The following PLPP3 variants were observed in gnomAD, a reference collection of about 807,000 sequenced individuals.
The protein encoded by PLPP3 is PAP2 beta.
A neutral mutation model predicts 29.6 loss-of-function variants in PLPP3; 6 were observed. That is an observed-to-expected ratio of 0.20 (90% CI 0.11 to 0.40). The LOEUF (loss-of-function observed/expected upper bound fraction) is 0.40, where lower values mean the gene tolerates loss of function less well. Among genes scored for constraint, PLPP3 ranks in the 10% least tolerant of loss-of-function variants. The pLI, the probability that PLPP3 is intolerant of heterozygous loss-of-function variation, is 1.00. For synonymous variants in PLPP3, 152 were observed against 159.7 expected (o/e 0.95, Z 0.36); for missense variants, 308 against 407.7 (o/e 0.76, Z 2.11).
intron 4 of PLPP3, among the ~76,000 whole-genome samples, chr1:56,514,316 G>A (rs1484605928): frequency 6.6e-6 from 1 of 151,556 alleles, no homozygotes; most frequent in Admixed American, 6.6e-5. Context: ...GCAGGAGTGG[G>A]GGATATATAT....
chr1:56,544,181 T>A (rs556804479), intron 1 of PLPP3, among the ~76,000 whole-genome samples: 1 of 152,342 alleles, frequency 6.6e-6, no homozygotes, highest in South Asian at 2.1e-4. Context: ...ATTTTTAAAA[T>A]AATTAACATC....
At chr1:56,533,050 T>C (rs866998879) in intron 2 of PLPP3, among the ~76,000 whole-genome samples, 6 of 149,236 alleles carry the variant, frequency 4.0e-5, no homozygotes, top group Non-Finnish European at 7.5e-5. Flanking sequence ...ACCTATTATG[T>C]AGCTTTTTTT....
intron 1 of PLPP3, among the ~76,000 whole-genome samples, chr1:56,564,641 G>C (rs769903143): frequency 1.3e-5 from 2 of 152,162 alleles, no homozygotes; most frequent in Non-Finnish European, 2.9e-5. Flanking sequence ...AATCAAGACA[G>C]CTTATTATTC....
intron 1 of PLPP3, among the ~76,000 whole-genome samples, chr1:56,555,620 C>A (rs912704610): frequency 1.1e-4 from 16 of 151,940 alleles, no homozygotes; most frequent in African/African-American, 3.1e-4. Flanking sequence ...GTCACTGTGT[C>A]CCTGAATGGA....
chr1:56,498,162 A>G lies in PLPP3; in HGVS notation c.811-1486T>C, dbSNP rs534086442. Among the ~76,000 whole-genome samples the G allele has an allele frequency of 1.8e-3, 270 of 152,288 alleles. 2 individuals are homozygous for G. Among genetic ancestry groups the G allele is most frequent in the African/African-American group, 6.2e-3 (258 of 41,558 alleles). On this transcript the variant is annotated intron_variant, in intron 5 of 5. Coordinates refer to ENST00000371250, the MANE Select transcript of PLPP3 (RefSeq NM_003713.5). ...AGTGCTATTGATGTACCACTTTGCA[A>G]AGGAAAAAGTTAAGTCTTTTCTCCC...
chr1:56,532,132 G>C (rs1645893392), intron 2 of PLPP3, among the ~76,000 whole-genome samples: 2 of 152,276 alleles, frequency 1.3e-5, no homozygotes, highest in Middle Eastern at 3.4e-3. Flanking sequence ...AAAGGGAACA[G>C]ATGAAAATTT....
chr1:56,532,939 G>A (rs1386004447), intron 2 of PLPP3, among the ~76,000 whole-genome samples: 1 of 152,146 alleles, frequency 6.6e-6, no homozygotes, highest in Non-Finnish European at 1.5e-5. Context: ...TGGAAGGTGG[G>A]GGAGGAGACA....
intron 2 of PLPP3, among the ~76,000 whole-genome samples, chr1:56,525,375 T>C (rs1298686767): frequency 6.6e-6 from 1 of 152,204 alleles, no homozygotes; most frequent in African/African-American, 2.4e-5. Flanking sequence ...TGACGATCCT[T>C]CTCAAATCTT....
rs772704217 is a variant in PLPP3 at position 56,496,589 on chromosome 1, C to T, written c.898G>A (p.Asp300Asn). 1 of 1,613,972 alleles carries T rather than the reference C, an allele frequency of 6.2e-7. No homozygotes were observed. The highest frequency in any genetic ancestry group is 1.3e-5 in the African/African-American group (1 of 74,990). The change falls in exon 6 of 6, where the codon GAC becomes AAC. Residue 300 changes from aspartate (D) to asparagine (N), a missense_variant. Around this residue, in one of 3 missense-constraint regions of PLPP3, gnomAD observed 232 missense variants for 317.2 expected, o/e 0.73. Coordinates refer to ENST00000371250, the MANE Select transcript of PLPP3 (RefSeq NM_003713.5). ...AIRKEILSPVDIIDRNNHHNM... is the reference protein window; with the variant it reads ...AIRKEILSPVNIIDRNNHHNM... ...TGGTGATTGTTCCTGTCAATAATGT[C>T]CACAGGTGAAAGGATTTCCTTCCGG...
intron 1 of PLPP3, among the ~76,000 whole-genome samples, chr1:56,550,505 G>A (rs1646031204): frequency 6.6e-6 from 1 of 152,212 alleles, no homozygotes; most frequent in African/African-American, 2.4e-5. Flanking sequence ...AATGTCTAGA[G>A]TCCCTCTTCC....
chr1:56,544,131 G>A (rs768672712), intron 1 of PLPP3, among the ~76,000 whole-genome samples: 2 of 152,182 alleles, frequency 1.3e-5, no homozygotes, highest in Non-Finnish European at 2.9e-5. Context: ...AACTTTGGAT[G>A]TCCTTTCTTA....
Position 56,538,457 on chromosome 1 carries a change from A to G in PLPP3, c.140-1345T>C, listed in dbSNP as rs146583563. On this transcript the variant is annotated intron_variant, in intron 1 of 5. Transcript: ENST00000371250. ...TCTTCCAGTAATTCACCAAAATGAC[A>G]AACACAAAGGGAAAGAGGAGAGGCA... The G allele has an allele frequency of 4.5e-3, 2,018 of 449,552 alleles. 29 individuals carry two copies. The highest frequency in any genetic ancestry group is 0.037 in the African/African-American group (1,850 of 49,508). 27.8% of individuals were successfully genotyped at this position (449,552 alleles called of 1,614,324 possible). A position where few individuals can be genotyped will look rare whatever the true frequency, so the allele number is the denominator to read the frequency against.
chr1:56,518,715 T>TATATA (rs1645798825), intron 4 of PLPP3, among the ~76,000 whole-genome samples: 4 of 126,670 alleles, frequency 3.2e-5, no homozygotes, highest in African/African-American at 5.6e-5. Context: ...TTTTAATCAT[T>TATATA]TATATATATA....
At chr1:56,536,550 G>A (rs1335717144) in intron 2 of PLPP3, among the ~76,000 whole-genome samples, 2 of 152,184 alleles carry the variant, frequency 1.3e-5, no homozygotes, top group South Asian at 2.1e-4. Flanking sequence ...TACATGAAAT[G>A]TGGTACATGT....
intron 1 of PLPP3, among the ~76,000 whole-genome samples, chr1:56,559,798 A>G (rs970473485): frequency 6.6e-6 from 1 of 152,150 alleles, no homozygotes; most frequent in Non-Finnish European, 1.5e-5. Context: ...AATATCTCTG[A>G]GCCTGGTTTT....
In PLPP3 at chr1:56,566,203, A is replaced by G. The variant is rs148796273; in HGVS notation, c.139+12675T>C. 1.9e-3 allele frequency among the ~76,000 whole-genome samples: 296 copies of G among 152,310 alleles called. 1 individual carries two copies. Among genetic ancestry groups the G allele is most frequent in the African/African-American group, 6.9e-3 (286 of 41,572 alleles). Reference sequence around the variant, plus strand: ...GTCCAGAGAACCACTAGTCCAACTCATTTTGGACGACGCTTCAGGGGTTGC... The same window carrying G: ...GTCCAGAGAACCACTAGTCCAACTCGTTTTGGACGACGCTTCAGGGGTTGC... On this transcript the variant is annotated intron_variant, in intron 1 of 5. Transcript: ENST00000371250.
At chr1:56,526,233 C>T (rs960058933) in intron 2 of PLPP3, among the ~76,000 whole-genome samples, 8 of 152,236 alleles carry the variant, frequency 5.3e-5, no homozygotes, top group East Asian at 1.9e-4. Flanking sequence ...GGGAGCAGGA[C>T]GGTAGTCCTC....
intron 1 of PLPP3, among the ~76,000 whole-genome samples, chr1:56,547,723 C>T (rs1325709712): frequency 6.6e-6 from 1 of 152,178 alleles, no homozygotes; most frequent in Non-Finnish European, 1.5e-5. Context: ...CTAAGGGATC[C>T]ATTTCAGCAC....
intron 2 of PLPP3, among the ~76,000 whole-genome samples, chr1:56,525,022 T>C (rs1240167009): frequency 3.9e-5 from 6 of 152,152 alleles, no homozygotes; most frequent in Non-Finnish European, 8.8e-5. Context: ...TGTGCTGACA[T>C]TGGCCATGGT....
Sources: gnomAD v4.1 joint callset for allele counts (sites outside exome capture counted in the v4.1 genomes callset) on GRCh38, gnomAD v4.1.1 for gene constraint, gnomAD v4.1.1 regional missense constraint, MANE v1.5 for transcripts, NCBI Gene and HGNC (gene_info 2026-07-23, HGNC 2026-07-21) for gene names.